Variants in ODF2L observed in about 807,000 individuals in gnomAD.
The protein encoded by ODF2L is protein BCAP.
A neutral mutation model predicts 86.3 loss-of-function variants in ODF2L; 76 were observed. The observed-to-expected ratio is 0.88, with a 90% CI of 0.73 to 1.07. ODF2L has a LOEUF of 1.07. ODF2L is among the 50% of genes least tolerant of loss of function. The pLI is 0.00. For synonymous variants in ODF2L, 241 were observed against 231.3 expected (o/e 1.04, Z -0.38); for missense variants, 748 against 717.4 (o/e 1.04, Z -0.49).
intron 3 of ODF2L, 51 bp downstream of exon 3, chr1:86,385,405 TTC>T: frequency 8.8e-7 from 1 of 1,130,574 alleles, no homozygotes; most frequent in Non-Finnish European, 1.3e-6. Context: ...AGTTAATGCA[TTC>T]TGAGTATTAT....
intron 1 of ODF2L, among the ~76,000 whole-genome samples, chr1:86,392,320 AT>A: frequency 6.6e-6 from 1 of 152,166 alleles, no homozygotes; most frequent in Non-Finnish European, 1.5e-5. Flanking sequence ...TGATCCAGCA[AT>A]CCCACTACTA....
chr1:86,386,891 T>G (rs2101460645), intron 2 of ODF2L, 24 bp downstream of exon 2: 1 of 1,192,270 alleles, frequency 8.4e-7, no homozygotes, highest in Non-Finnish European at 1.2e-6. Context: ...AAATTTAGAT[T>G]TCCCCTGATA....
chr1:86,358,245 A>C (rs1432498352), intron 13 of ODF2L: 1 of 191,086 alleles, frequency 5.2e-6, no homozygotes, highest in Non-Finnish European at 9.7e-6. Context: ...ACAAAAAACC[A>C]AACAGAGATG....
chr1:86,376,240 C>T (rs1660162856), exon 8 of ODF2L: 2 of 1,599,720 alleles, frequency 1.3e-6, no homozygotes, highest in African/African-American at 2.7e-5. Flanking sequence ...TACCTGATCT[C>T]TAATTTGGGA....
chr1:86,360,668 C>A (rs1292633796), intron 11 of ODF2L, 132 bp from the exon 11 acceptor site: 6 of 457,276 alleles, frequency 1.3e-5, no homozygotes, highest in Non-Finnish European at 3.8e-6. Context: ...TCATGCAATA[C>A]CATCTAAAAT....
At position 86,356,443 on chromosome 1, in the gene ODF2L, C is replaced by A. The variant is rs756639946; in HGVS notation, c.1518+1G>T. 2.0e-5 allele frequency: 32 copies of A among 1,598,110 alleles called. No homozygotes were observed. The highest frequency in any genetic ancestry group is 2.5e-5 in the Non-Finnish European group (29 of 1,170,506). On this transcript the variant is annotated splice_donor_variant, in intron 14 of 17. Transcript: ENST00000317336. LOFTEE classifies it high-confidence loss of function. ...CAAAACTCAGAAGGACGGCTGGACACCTGGCCCTGAAGCTCCCTAATGGTG... is the reference window on the plus strand; with the variant it reads ...CAAAACTCAGAAGGACGGCTGGACAACTGGCCCTGAAGCTCCCTAATGGTG...
At chr1:86,385,675 T>G in intron 2 of ODF2L, 85 bp from the exon 3 acceptor site, 1 of 963,494 alleles carries the variant, frequency 1.0e-6, no homozygotes. Context: ...ACCTATACAG[T>G]ACTCTTAATA....
chr1:86,352,257 AGTT>A (rs970529037), intron 17 of ODF2L: 12 of 1,433,542 alleles, frequency 8.4e-6, no homozygotes, highest in Non-Finnish European at 1.1e-5. Context: ...TCTAGTAGAC[AGTT>A]ATTACGTAAT....
rs544471674 is a variant in ODF2L, at chr1:86,355,651, T to TA, written c.1518+792dup. On this transcript the variant is annotated intron_variant, in intron 14 of 17. Coordinates refer to ENST00000317336, the Ensembl canonical transcript of ODF2L. ...ATCAAGTATTAAGCCTAGTACCTGTTAGTTATTTTTTCTGATCCTCTCCCT... is the reference window on the plus strand; with the variant it reads ...ATCAAGTATTAAGCCTAGTACCTGTTAAGTTATTTTTTCTGATCCTCTCCCT... Among the ~76,000 whole-genome samples the TA allele has an allele frequency of 5.9e-5, 9 of 152,276 alleles. No homozygotes were observed. In the South Asian group the frequency reaches 8.3e-4, roughly 14 times the overall value.
chr1:86,380,310 A>G (rs1379694242), intron 7 of ODF2L, among the ~76,000 whole-genome samples: 1 of 152,176 alleles, frequency 6.6e-6, no homozygotes, highest in Non-Finnish European at 1.5e-5. Context: ...TAAGTAAACT[A>G]AGAGAAGGAG....
chr1:86,355,736 C>T (rs545888714), intron 14 of ODF2L, among the ~76,000 whole-genome samples: 16 of 152,146 alleles, frequency 1.1e-4, no homozygotes, highest in African/African-American at 2.9e-4. Flanking sequence ...CATGTGTCCA[C>T]GTGTTCTCAT....
chr1:86,369,858 T>G (rs965768223), intron 10 of ODF2L, among the ~76,000 whole-genome samples: 1 of 152,182 alleles, frequency 6.6e-6, no homozygotes, highest in Admixed American at 6.5e-5. Flanking sequence ...AAAAGAGATT[T>G]GGATGTATCT....
intron 11 of ODF2L, among the ~76,000 whole-genome samples, chr1:86,366,749 C>T (rs572870035): frequency 1.5e-4 from 23 of 151,410 alleles, no homozygotes; most frequent in Non-Finnish European, 2.7e-4. Context: ...AACTTTTAAA[C>T]GAAGGATTAG....
intron 11 of ODF2L, among the ~76,000 whole-genome samples, chr1:86,364,841 T>G (rs1315874556): frequency 6.6e-6 from 1 of 152,220 alleles, no homozygotes; most frequent in East Asian, 1.9e-4. Context: ...TCTGTACTTC[T>G]TCTACGTAAT....
chr1:86,374,520 G>A (rs1432440446), intron 8 of ODF2L, among the ~76,000 whole-genome samples: 1 of 152,074 alleles, frequency 6.6e-6, no homozygotes, highest in Non-Finnish European at 1.5e-5. Context: ...AATTTTCAAA[G>A]AAGGAAATGG....
Position 86,387,046 on chromosome 1 carries a change from T to C in ODF2L, c.-19A>G. 1 of 1,277,336 alleles carries C rather than the reference T, an allele frequency of 7.8e-7. No individual in the cohort carries two copies. The highest frequency in any genetic ancestry group is 1.1e-6 in the Non-Finnish European group (1 of 912,996). 79.1% of individuals were successfully genotyped at this position (1,277,336 alleles called of 1,614,324 possible). On this transcript the variant is annotated 5_prime_UTR_variant, in exon 2 of 18. In the 5' UTR this introduces an upstream ATG that the reference lacks. Transcript: ENST00000317336. Reference sequence around the variant, plus strand: ...TCTCCATAAATTCAGTAAATGGATTTATAGGTGGCTTCACAGCGACTTCTC... The same window carrying C: ...TCTCCATAAATTCAGTAAATGGATTCATAGGTGGCTTCACAGCGACTTCTC...
At chr1:86,381,728 T>A (rs1353100805) in intron 7 of ODF2L, among the ~76,000 whole-genome samples, 1 of 152,092 alleles carries the variant, frequency 6.6e-6, no homozygotes, top group African/African-American at 2.4e-5. Context: ...TTAATTATAC[T>A]CCTACAAAGT....
chr1:86,381,091 T>C (rs879323400), intron 7 of ODF2L, among the ~76,000 whole-genome samples: 2 of 152,148 alleles, frequency 1.3e-5, no homozygotes, highest in Non-Finnish European at 1.5e-5. Flanking sequence ...GAAAAATTCA[T>C]AGACTCAGAC....
chr1:86,382,177 G>A (rs979224341), intron 7 of ODF2L, 65 bp downstream of exon 7: 1 of 1,486,002 alleles, frequency 6.7e-7, no homozygotes, highest in Non-Finnish European at 8.9e-7. Context: ...ACTAAGGAAG[G>A]CTTTATGGCC....
Sources: allele counts gnomAD v4.1 joint callset (sites outside exome capture counted in the v4.1 genomes callset), GRCh38; gene constraint gnomAD v4.1.1; transcripts MANE v1.5; gene names NCBI Gene and HGNC (gene_info 2026-07-23, HGNC 2026-07-21).